The following STXBP5L variants were observed in gnomAD, a reference collection of about 807,000 sequenced individuals.
The protein encoded by STXBP5L is syntaxin binding protein 5L.
A neutral mutation model predicts 144.5 loss-of-function variants in STXBP5L; 65 were observed. The ratio of observed to expected loss-of-function variants is 0.45; its 90% CI spans 0.37 to 0.55. The LOEUF (loss-of-function observed/expected upper bound fraction) is 0.55. Among genes scored for constraint, STXBP5L ranks in the 20% least tolerant of loss-of-function variants. The pLI is 0.00. For synonymous variants in STXBP5L, 505 were observed against 469.6 expected, an observed-to-expected ratio of 1.08 and a Z score of -0.97; for missense variants, 1,298 against 1,405.5, an observed-to-expected ratio of 0.92 and a Z score of 1.22.
At chr3:121,019,851 T>A (rs1025838933) in intron 3 of STXBP5L, among the ~76,000 whole-genome samples, 1 of 152,084 alleles carries the variant, frequency 6.6e-6, no homozygotes, top group African/African-American at 2.4e-5. Context: ...TCCGGTAATA[T>A]GACAAAACAA....
chr3:120,970,296 A>T (rs1940098566), intron 3 of STXBP5L, among the ~76,000 whole-genome samples: 1 of 152,010 alleles, frequency 6.6e-6, no homozygotes, highest in African/African-American at 2.4e-5. Flanking sequence ...TACACCTTCA[A>T]ATGTTTTCTT....
At chr3:121,367,473 C>T (rs1027335697) in intron 20 of STXBP5L, among the ~76,000 whole-genome samples, 2 of 151,958 alleles carry the variant, frequency 1.3e-5, no homozygotes, top group Non-Finnish European at 1.5e-5. Context: ...CTTCTACTTT[C>T]CATCCAAAGT....
intron 3 of STXBP5L, among the ~76,000 whole-genome samples, chr3:121,034,281 A>C (rs979091708): frequency 3.3e-5 from 5 of 151,998 alleles, no homozygotes; most frequent in Non-Finnish European, 7.4e-5. Flanking sequence ...CTCATCCCTC[A>C]TCCTCCTCCT....
Position 121,378,847 on chromosome 3 carries a change from G to A in STXBP5L, c.2308G>A (p.Ala770Thr). The change falls in exon 21 of 27, where the codon GCA (alanine) becomes ACA (threonine). Residue 770 changes from alanine (A) to threonine (T), a missense_variant. Ala to Thr is a moderately conservative substitution (Grantham distance 58). Transcript: ENST00000471454. ...GRPPFRKAQS[A>T]ACMEISLPVT... is the part of the protein sequence containing the mutation. ...ACCACCATTTCGAAAGGCCCAGTCA[G>A]CAGCCTGCATGGAGATTTCTTTACC... 6.2e-7 allele frequency: 1 copy of A among 1,613,622 alleles called. No homozygotes were observed. Among genetic ancestry groups the A allele is most frequent in the Non-Finnish European group, 8.5e-7 (1 of 1,179,766 alleles).
chr3:121,070,940 C>G (rs1340593189), intron 5 of STXBP5L, among the ~76,000 whole-genome samples: 1 of 152,170 alleles, frequency 6.6e-6, no homozygotes, highest in Non-Finnish European at 1.5e-5. Context: ...AACTCTGGGT[C>G]ATAACATAGT....
intron 7 of STXBP5L, among the ~76,000 whole-genome samples, chr3:121,142,888 A>G (rs1248404688): frequency 1.3e-5 from 2 of 151,812 alleles, no homozygotes; most frequent in East Asian, 3.9e-4. Context: ...TAAACATTAG[A>G]GGAGAAATAA....
chr3:121,384,771 A>C (rs1376704586), intron 22 of STXBP5L, among the ~76,000 whole-genome samples: 1 of 152,064 alleles, frequency 6.6e-6, no homozygotes, highest in Non-Finnish European at 1.5e-5. Context: ...TAATTGTAAA[A>C]ATCAAAATAT....
chr3:121,333,493 C>A (rs1200771276), intron 20 of STXBP5L, among the ~76,000 whole-genome samples: 6 of 150,098 alleles, frequency 4.0e-5, no homozygotes, highest in Non-Finnish European at 8.9e-5. Context: ...AAACCAACCC[C>A]AAAGCAGAAG....
chr3:121,210,077 A>G (rs2108249526), intron 10 of STXBP5L, among the ~76,000 whole-genome samples: 1 of 152,166 alleles, frequency 6.6e-6, no homozygotes, highest in East Asian at 1.9e-4. Context: ...CTATTTCTCC[A>G]CATCCTCTCC....
At chr3:121,361,363 C>T (rs1282669078) in intron 20 of STXBP5L, among the ~76,000 whole-genome samples, 2 of 152,066 alleles carry the variant, frequency 1.3e-5, no homozygotes, top group African/African-American at 4.8e-5. Context: ...TGTTATTATT[C>T]CTTTGAATAA....
intron 3 of STXBP5L, among the ~76,000 whole-genome samples, chr3:120,996,698 A>G (rs561345858): frequency 1.3e-5 from 2 of 152,124 alleles, no homozygotes; most frequent in African/African-American, 4.8e-5. Flanking sequence ...TATATGTGTA[A>G]TCACACACTG....
intron 21 of STXBP5L, 72 bp downstream of exon 21, chr3:121,378,958 T>A: frequency 6.9e-7 from 1 of 1,446,008 alleles, no homozygotes; most frequent in Non-Finnish European, 9.4e-7. Flanking sequence ...AACAGAGATA[T>A]GGGATGGAGA....
chr3:121,284,183 AT>A (rs2051155527), intron 19 of STXBP5L, among the ~76,000 whole-genome samples: 2 of 151,638 alleles, frequency 1.3e-5, no homozygotes, highest in African/African-American at 2.4e-5. Flanking sequence ...TTCCTTCAGA[AT>A]TTTTTTTCAG....
chr3:121,160,382 A>C (rs1287801830), intron 9 of STXBP5L, among the ~76,000 whole-genome samples: 1 of 152,204 alleles, frequency 6.6e-6, no homozygotes, highest in Non-Finnish European at 1.5e-5. Context: ...CCAAAGATCA[A>C]AAGTGTTCTG....
chr3:121,172,374 A>C (rs2046756791), intron 9 of STXBP5L, among the ~76,000 whole-genome samples: 1 of 152,244 alleles, frequency 6.6e-6, no homozygotes, highest in Non-Finnish European at 1.5e-5. Flanking sequence ...ACATCAAAAG[A>C]AACTACCATC....
At chr3:121,239,386 CTAAG>C (rs1369494181) in intron 13 of STXBP5L, among the ~76,000 whole-genome samples, 1 of 149,090 alleles carries the variant, frequency 6.7e-6, no homozygotes, top group African/African-American at 2.5e-5. Flanking sequence ...CATTTATATA[CTAAG>C]TATGTACTTA....
chr3:121,176,933 A>T (rs190821982), intron 9 of STXBP5L, among the ~76,000 whole-genome samples: 1 of 152,156 alleles, frequency 6.6e-6, no homozygotes, highest in Admixed American at 6.5e-5. Context: ...TAAAATTATA[A>T]TTGAGATAGC....
chr3:121,017,789 G>A (rs529150441), intron 3 of STXBP5L, among the ~76,000 whole-genome samples: 2 of 151,382 alleles, frequency 1.3e-5, no homozygotes, highest in African/African-American at 4.8e-5. Context: ...TAAATAAATG[G>A]GGGGGTGGTG....
chr3:121,119,769 G>T (rs1217902393), intron 6 of STXBP5L, among the ~76,000 whole-genome samples: 2 of 151,254 alleles, frequency 1.3e-5, no homozygotes, highest in Non-Finnish European at 3.0e-5. Flanking sequence ...TTATCTCTAT[G>T]CAGTGAAATA....
Sources: allele counts gnomAD v4.1 joint callset (sites outside exome capture counted in the v4.1 genomes callset), GRCh38; gene constraint gnomAD v4.1.1; transcripts MANE v1.5; gene names NCBI Gene and HGNC (gene_info 2026-07-23, HGNC 2026-07-21).